GSE1: variants seen among roughly 807,000 people sequenced by gnomAD.
The protein encoded by GSE1 is Gse1 coiled-coil protein.
In GSE1, 32 loss-of-function variants were observed where a neutral mutation model predicts 112.6. The observed-to-expected ratio is 0.28, with a 90% CI of 0.21 to 0.38. The LOEUF is 0.38. Among genes scored for constraint, GSE1 ranks in the 10% least tolerant of loss-of-function variants. The probability of loss-of-function intolerance (pLI) is 1.00; values close to 1 mark genes in which losing one functional copy is unlikely to be tolerated. For missense variants in GSE1, 2,348 were observed against 1,699.2 expected, an observed-to-expected ratio of 1.38 and a Z score of -6.71; for synonymous variants, 1,115 against 735.6, an observed-to-expected ratio of 1.52 and a Z score of -8.35.
At chr16:85,475,776 CTTTTTTT>C (rs57562071) in intron 2 of GSE1, among the ~76,000 whole-genome samples, 13 of 145,874 alleles carry the variant, frequency 8.9e-5, no homozygotes, top group African/African-American at 2.8e-4. Context: ...AATTGTTTTT[CTTTTTTT>C]TTTTTTTTTT....
chr16:85,271,597 CT>C (rs1293666777), intron 1 of GSE1, among the ~76,000 whole-genome samples: 2 of 152,210 alleles, frequency 1.3e-5, no homozygotes, highest in African/African-American at 4.8e-5. Flanking sequence ...GGCTTTCCTG[CT>C]GCTTCGCAGC....
chr16:85,389,460 CAAAAAAAAA>C (rs59509773), intron 2 of GSE1, among the ~76,000 whole-genome samples: 1 of 77,842 alleles, frequency 1.3e-5, no homozygotes, highest in Non-Finnish European at 2.6e-5. Context: ...ACTCTGTCTC[CAAAAAAAAA>C]AAAAAAAAAA....
chr16:85,648,706 T>C lies in GSE1; in HGVS notation c.381T>C (p.Ala127=). The C allele has an allele frequency of 6.2e-7, 1 of 1,607,500 alleles. No homozygotes were observed. Among genetic ancestry groups the C allele is most frequent in the Non-Finnish European group, 8.5e-7 (1 of 1,177,650 alleles). The change falls in exon 3 of 16, where the codon GCT becomes GCC. Residue 127 remains alanine, a synonymous_variant. Transcript: ENST00000253458. The part of the protein sequence containing the change: ...VPSTPPVVTI[A]PTKTVNGVWR... ...GCACCCCCCCCGTGGTGACCATCGC[T>C]CCAACCAAAACCGTGAATGGTGTCT...
chr16:85,429,882 G>GT (rs1408371714), intron 2 of GSE1, among the ~76,000 whole-genome samples: 2 of 152,220 alleles, frequency 1.3e-5, no homozygotes, highest in East Asian at 3.8e-4. Context: ...TGTGTGTGTG[G>GT]TTATTCTCTG....
chr16:85,431,107 C>T (rs2049110568), intron 2 of GSE1, among the ~76,000 whole-genome samples: 1 of 152,190 alleles, frequency 6.6e-6, no homozygotes, highest in African/African-American at 2.4e-5. Context: ...TGGATTCAAG[C>T]CCTCCTGAGC....
intron 1 of GSE1, among the ~76,000 whole-genome samples, chr16:85,255,714 A>T (rs995008163): frequency 7.2e-6 from 1 of 138,410 alleles, no homozygotes; most frequent in African/African-American, 2.7e-5. Flanking sequence ...GTCAGTGCCT[A>T]CTTTTCTTTC....
intron 2 of GSE1, among the ~76,000 whole-genome samples, chr16:85,455,834 G>A (rs570789591): frequency 2.9e-4 from 44 of 152,314 alleles, no homozygotes; most frequent in African/African-American, 9.9e-4. Context: ...CCACTCTCAC[G>A]CCTGCATGGA....
chr16:85,487,911 C>T (rs965979984), intron 2 of GSE1, among the ~76,000 whole-genome samples: 1 of 152,218 alleles, frequency 6.6e-6, no homozygotes, highest in Non-Finnish European at 1.5e-5. Flanking sequence ...GCAAGGGTGA[C>T]CCACCCATCA....
chr16:85,515,084 C>A (rs1405795869), intron 2 of GSE1, among the ~76,000 whole-genome samples: 1 of 152,180 alleles, frequency 6.6e-6, no homozygotes, highest in Non-Finnish European at 1.5e-5. Context: ...TGTGTGTGCA[C>A]ACGTGTCAGG....
intron 2 of GSE1, among the ~76,000 whole-genome samples, chr16:85,520,592 T>A (rs888715284): frequency 6.6e-6 from 1 of 151,176 alleles, no homozygotes; most frequent in Non-Finnish European, 1.5e-5. Flanking sequence ...TGGCTAATTT[T>A]TGTTTTTTTT....
chr16:85,434,397 T>C (rs990679077), intron 2 of GSE1, among the ~76,000 whole-genome samples: 4 of 152,060 alleles, frequency 2.6e-5, no homozygotes, highest in Admixed American at 1.3e-4. Flanking sequence ...TACTTGTATG[T>C]GTAACTCCTT....
At chr16:85,484,515 G>C (rs1189150370) in intron 2 of GSE1, among the ~76,000 whole-genome samples, 4 of 152,258 alleles carry the variant, frequency 2.6e-5, no homozygotes, top group East Asian at 3.8e-4. Flanking sequence ...AGTGGCCCTT[G>C]AGTGACGAAG....
intron 1 of GSE1, among the ~76,000 whole-genome samples, chr16:85,350,396 C>T (rs924483742): frequency 6.6e-6 from 1 of 152,140 alleles, no homozygotes; most frequent in African/African-American, 2.4e-5. Context: ...GCCCTGTTCT[C>T]CTGACATTTA....
intron 2 of GSE1, among the ~76,000 whole-genome samples, chr16:85,525,250 T>C (rs998043501): frequency 4.9e-4 from 74 of 150,354 alleles, no homozygotes; most frequent in South Asian, 2.1e-3. Context: ...GGCTCACTTG[T>C]CCCCCCCCCA....
chr16:85,472,318 T>A (rs11149751), intron 2 of GSE1, among the ~76,000 whole-genome samples: 1 of 152,182 alleles, frequency 6.6e-6, no homozygotes, highest in Non-Finnish European at 1.5e-5. Context: ...TCTGGAGGCC[T>A]GGGGGGAGGA....
In GSE1 at chr16:85,672,912, C is replaced by G. The variant is rs2053461373; in HGVS notation, c.*373C>G. The G allele has an allele frequency of 6.4e-6, 1 of 157,408 alleles. No homozygotes were observed. Among genetic ancestry groups the G allele is most frequent in the Middle Eastern group, 3.0e-3 (1 of 330 alleles). The allele number at this position is 157,408 out of a possible 1,614,324, so 9.8% of individuals were successfully genotyped here. ...GTGGATCAAACCGGTTCTGTTCTTT[C>G]TTGTGTTGCCATGTTACTATGCCTC... On this transcript the variant is annotated 3_prime_UTR_variant, in exon 16 of 16. Coordinates refer to ENST00000253458, the MANE Select transcript of GSE1 (RefSeq NM_014615.5).
chr16:85,640,647 C>T (rs370501195), intron 2 of GSE1, among the ~76,000 whole-genome samples: 2 of 152,222 alleles, frequency 1.3e-5, no homozygotes, highest in African/African-American at 2.4e-5. Context: ...CATGAGCTGC[C>T]GTGGGAATGC....
chr16:85,655,963 T>G, intron 6 of GSE1, 46 bp downstream of exon 6: 1 of 1,470,714 alleles, frequency 6.8e-7, no homozygotes. Flanking sequence ...TCCCTGTCCC[T>G]TGATGGCAGC....
intron 2 of GSE1, among the ~76,000 whole-genome samples, chr16:85,548,106 G>C (rs2044765734): frequency 1.3e-5 from 2 of 151,294 alleles, no homozygotes; most frequent in African/African-American, 4.9e-5. Context: ...GCGCATGCCT[G>C]TAATGCCAGC....
Sources: gnomAD v4.1 joint callset for allele counts (sites outside exome capture counted in the v4.1 genomes callset) on GRCh38, gnomAD v4.1.1 for gene constraint, MANE v1.5 for transcripts, NCBI Gene and HGNC (gene_info 2026-07-23, HGNC 2026-07-21) for gene names.